The following CCDC117 variants were observed in gnomAD, a reference collection of about 807,000 sequenced individuals.
The protein encoded by CCDC117 is coiled-coil domain containing 117, also known as coiled-coil domain-containing protein 117.
In CCDC117, 1 loss-of-function variant was observed where a neutral mutation model predicts 23.5. That is an observed-to-expected ratio of 0.04 (90% CI 0.02 to 0.20). The LOEUF (loss-of-function observed/expected upper bound fraction) is 0.20. Among genes scored for constraint, CCDC117 ranks in the 10% least tolerant of loss-of-function variants. The pLI, the probability that CCDC117 is intolerant of heterozygous loss-of-function variation, is 1.00. For synonymous variants in CCDC117, 132 were observed against 124.8 expected (o/e 1.06, Z -0.39); for missense variants, 383 against 348.2 (o/e 1.10, Z -0.80).
Position 28,782,530 on chromosome 22 carries a change from C to T in CCDC117, c.465-978C>T, listed in dbSNP as rs144418496. On this transcript the variant is annotated intron_variant, in intron 3 of 4. Coordinates refer to ENST00000249064, the MANE Select transcript of CCDC117 (RefSeq NM_173510.4). The stretch of plus-strand genomic sequence containing the variant: ...CTCAGCTCATTGCAATCTCCACCTC[C>T]CGGGTTCAGGCGATTCTCCTGCCTC... Among the ~76,000 whole-genome samples the T allele has an allele frequency of 6.1e-3, 922 of 152,212 alleles. 11 individuals are homozygous for T. The highest frequency in any genetic ancestry group is 0.021 in the African/African-American group (863 of 41,532).
At position 28,788,010 on chromosome 22, in the gene CCDC117, T is replaced by G. The variant is rs1601431875; in HGVS notation, c.*1684T>G. 1 of 152,638 alleles carries G rather than the reference T, an allele frequency of 6.6e-6. No homozygotes were observed. Among genetic ancestry groups the G allele is most frequent in the East Asian group, 1.9e-4 (1 of 5,200 alleles). The allele number at this position is 152,638 out of a possible 1,614,324, so 9.5% of individuals were successfully genotyped here. ...CAAGTCTGTTAATTGGACTGTTGCT[T>G]CTTTGCCTGTTCCTGCTTTCTCTTT... On this transcript the variant is annotated 3_prime_UTR_variant, in exon 5 of 5. Coordinates refer to ENST00000249064, the MANE Select transcript of CCDC117 (RefSeq NM_173510.4).
chr22:28,782,235 G>T (rs1240900776), intron 3 of CCDC117, among the ~76,000 whole-genome samples: 1 of 147,632 alleles, frequency 6.8e-6, no homozygotes, highest in Non-Finnish European at 1.5e-5. Context: ...ACTGTGCCGG[G>T]CCAGTCTACT....
chr22:28,774,155 C>T (rs941623834), intron 2 of CCDC117, among the ~76,000 whole-genome samples: 1 of 150,652 alleles, frequency 6.6e-6, no homozygotes, highest in Non-Finnish European at 1.5e-5. Flanking sequence ...GCAATCTCCG[C>T]CTCCCGGCTT....
At chr22:28,783,473 ATT>A (rs1569199846) in intron 3 of CCDC117, 33 bp from the exon 4 acceptor site, 1 of 1,587,624 alleles carries the variant, frequency 6.3e-7, no homozygotes, top group Admixed American at 1.9e-5. Flanking sequence ...TTGACTAAAT[ATT>A]TTTTCTTTCT....
At chr22:28,778,981 C>T (rs2031246540) in intron 2 of CCDC117, among the ~76,000 whole-genome samples, 1 of 152,108 alleles carries the variant, frequency 6.6e-6, no homozygotes, top group Non-Finnish European at 1.5e-5. Context: ...GGGGAAATTA[C>T]CTGTTCCCTT....
chr22:28,778,002 C>G (rs1026136632), intron 2 of CCDC117, among the ~76,000 whole-genome samples: 1 of 151,904 alleles, frequency 6.6e-6, no homozygotes, highest in Non-Finnish European at 1.5e-5. Context: ...CGTGCCACCA[C>G]GCCCGGCAAA....
chr22:28,786,542 T>C lies in CCDC117; in HGVS notation c.*216T>C, dbSNP rs1042060764. 6.8e-5 allele frequency: 35 copies of C among 512,836 alleles called. No homozygotes were observed. In the Middle Eastern group the frequency reaches 2.0e-3, roughly 30 times the overall value. The allele number at this position is 512,836 out of a possible 1,614,324, so 31.8% of individuals were successfully genotyped here. On this transcript the variant is annotated 3_prime_UTR_variant, in exon 5 of 5. Transcript: ENST00000249064. Reference sequence around the variant, plus strand: ...GTCTCAAGGGAAAAGCAGTTTTCTGTGGGGCTTATTAAAGGAATGTTGGTT... The same window carrying C: ...GTCTCAAGGGAAAAGCAGTTTTCTGCGGGGCTTATTAAAGGAATGTTGGTT...
intron 2 of CCDC117, among the ~76,000 whole-genome samples, chr22:28,778,465 G>T (rs1032657755): frequency 1.3e-5 from 2 of 152,022 alleles, no homozygotes; most frequent in African/African-American, 2.4e-5. Context: ...AAAGTCAGCC[G>T]GGCGTGGTGG....
rs35613553 is a variant in CCDC117, at chr22:28,774,371, C to CTTT, written c.239+611_239+613dup. ...CCTGAGCCGCCCCGGCCTGAAAAGT[C>CTTT]TTTTTTTTTTTTTTTTTTTTAAAGT... On this transcript the variant is annotated intron_variant, in intron 2 of 4. Transcript: ENST00000249064. Among the ~76,000 whole-genome samples, 91 of 122,142 alleles carry CTTT rather than the reference C, an allele frequency of 7.5e-4. 1 individual carries two copies. In the Middle Eastern group the frequency reaches 0.014, roughly 19 times the overall value. 80.1% of individuals were successfully genotyped at this position (122,142 alleles called of 152,430 possible). A position where few individuals can be genotyped will look rare whatever the true frequency, so the allele number is the denominator to read the frequency against.
At chr22:28,778,805 G>A (rs1163408084) in intron 2 of CCDC117, among the ~76,000 whole-genome samples, 1 of 152,190 alleles carries the variant, frequency 6.6e-6, no homozygotes, top group African/African-American at 2.4e-5. Flanking sequence ...ATGCCCAGAA[G>A]CGTGCTATCA....
intron 1 of CCDC117, 106 bp from the exon 2 acceptor site, chr22:28,773,619 G>T: frequency 1.1e-6 from 1 of 880,128 alleles, no homozygotes; most frequent in Non-Finnish European, 1.9e-6. Context: ...AGAAAGGGAC[G>T]TTTGGTATGT....
Position 28,788,825 on chromosome 22 carries a change from T to C in CCDC117, c.*2499T>C, listed in dbSNP as rs942293136. 6.6e-6 allele frequency: 1 copy of C among 152,622 alleles called. No individual in the cohort carries two copies. Among genetic ancestry groups the C allele is most frequent in the Non-Finnish European group, 1.5e-5 (1 of 68,024 alleles). The allele number at this position is 152,622 out of a possible 1,614,324, so 9.5% of individuals were successfully genotyped here. The stretch of plus-strand genomic sequence containing the variant: ...TAGGGAGTTACCAGGGCTTTTCGTT[T>C]TGTGTAGCTTTTGCAGCATGGATCA... On this transcript the variant is annotated 3_prime_UTR_variant, in exon 5 of 5. Transcript: ENST00000249064.
At chr22:28,782,645 G>T (rs962463053) in intron 3 of CCDC117, among the ~76,000 whole-genome samples, 1 of 152,002 alleles carries the variant, frequency 6.6e-6, no homozygotes, top group Non-Finnish European at 1.5e-5. Flanking sequence ...CACCACGTTG[G>T]CCAGGCTGGT....
intron 4 of CCDC117, 125 bp from the exon 5 acceptor site, chr22:28,785,964 G>T: frequency 1.5e-6 from 1 of 655,852 alleles, no homozygotes; most frequent in Non-Finnish European, 2.7e-6. Context: ...CAGTTTGTGT[G>T]TTCTAAATCT....
Position 28,788,587 on chromosome 22 carries a change from A to G in CCDC117, c.*2261A>G, listed in dbSNP as rs1175050079. On this transcript the variant is annotated 3_prime_UTR_variant, in exon 5 of 5. Transcript: ENST00000249064. Reference sequence around the variant, plus strand: ...CAAACAGAGCTTATTTCAGTAGTCAAGTTACCTGACATGATAATTATTTCT... The same window carrying G: ...CAAACAGAGCTTATTTCAGTAGTCAGGTTACCTGACATGATAATTATTTCT... The G allele has an allele frequency of 2.0e-5, 3 of 152,654 alleles. No individual in the cohort carries two copies. The highest frequency in any genetic ancestry group is 6.5e-5 in the Admixed American group (1 of 15,284). 9.5% of individuals were successfully genotyped at this position (152,654 alleles called of 1,614,324 possible).
rs2031535312 is a variant in CCDC117, at chr22:28,787,100, C to T, written c.*774C>T. 1 of 152,560 alleles carries T rather than the reference C, an allele frequency of 6.6e-6. No individual in the cohort carries two copies. Among genetic ancestry groups the T allele is most frequent in the African/African-American group, 2.4e-5 (1 of 41,428 alleles). 9.5% of individuals were successfully genotyped at this position (152,560 alleles called of 1,614,324 possible). A position where few individuals can be genotyped will look rare whatever the true frequency, so the allele number is the denominator to read the frequency against. ...ATCTGCAATTTGCCTGTGGGAGAAGCATCCTTTAGTTCATCTTAAGGAAGT... is the reference window on the plus strand; with the variant it reads ...ATCTGCAATTTGCCTGTGGGAGAAGTATCCTTTAGTTCATCTTAAGGAAGT... On this transcript the variant is annotated 3_prime_UTR_variant, in exon 5 of 5. Coordinates refer to ENST00000249064, the MANE Select transcript of CCDC117 (RefSeq NM_173510.4).
chr22:28,773,919 CTT>C (rs1419026294), intron 2 of CCDC117, 141 bp downstream of exon 2: 2 of 702,806 alleles, frequency 2.8e-6, no homozygotes, highest in Admixed American at 2.4e-5. Flanking sequence ...CATTGGTTGT[CTT>C]TTAGAGAAAG....
chr22:28,777,149 C>T (rs1187635734), intron 2 of CCDC117, among the ~76,000 whole-genome samples: 1 of 151,414 alleles, frequency 6.6e-6, no homozygotes, highest in Non-Finnish European at 1.5e-5. Flanking sequence ...AGTGATTCTC[C>T]TGCCTCAGCC....
intron 4 of CCDC117, among the ~76,000 whole-genome samples, chr22:28,784,810 G>T (rs2031460363): frequency 6.6e-6 from 1 of 152,056 alleles, no homozygotes; most frequent in Non-Finnish European, 1.5e-5. Flanking sequence ...TCGCTCTGTT[G>T]CCCAGGCTGG....
Sources: allele counts gnomAD v4.1 joint callset (sites outside exome capture counted in the v4.1 genomes callset), GRCh38; gene constraint gnomAD v4.1.1; transcripts MANE v1.5; gene names NCBI Gene and HGNC (gene_info 2026-07-23, HGNC 2026-07-21).